NAV2: variants seen among roughly 807,000 people sequenced by gnomAD.
NAV2 encodes helicase, APC down-regulated 1.
A neutral mutation model predicts 223.2 loss-of-function variants in NAV2; 54 were observed. That is an observed-to-expected ratio of 0.24 (90% CI 0.19 to 0.30). The LOEUF (loss-of-function observed/expected upper bound fraction) is 0.30. NAV2 is among the 10% of genes least tolerant of loss of function. The probability of loss-of-function intolerance (pLI) is 1.00; values close to 1 mark genes in which losing one functional copy is unlikely to be tolerated. For synonymous variants in NAV2, 1,279 were observed against 1,239.3 expected, an observed-to-expected ratio of 1.03 and a Z score of -0.67; for missense variants, 2,806 against 3,147.5, an observed-to-expected ratio of 0.89 and a Z score of 2.60.
chr11:20,014,096 C>G (rs1024489045), intron 11 of NAV2, among the ~76,000 whole-genome samples: 1 of 152,200 alleles, frequency 6.6e-6, no homozygotes, highest in Admixed American at 6.5e-5. Flanking sequence ...GAGTCCCCAA[C>G]TGTTGGCTTA....
At chr11:19,447,384 G>C (rs921110826) in intron 1 of NAV2, among the ~76,000 whole-genome samples, 7 of 152,214 alleles carry the variant, frequency 4.6e-5, no homozygotes, top group African/African-American at 1.7e-4. Context: ...TGTGTGGGGT[G>C]AAGGTTCAGA....
At chr11:19,908,729 T>C (rs2043075307) in intron 6 of NAV2, among the ~76,000 whole-genome samples, 1 of 152,194 alleles carries the variant, frequency 6.6e-6, no homozygotes, top group South Asian at 2.1e-4. Context: ...AGTCTGCTGC[T>C]GAAGTCTGTC....
At chr11:19,921,869 A>G (rs752214505) in intron 6 of NAV2, among the ~76,000 whole-genome samples, 2 of 152,248 alleles carry the variant, frequency 1.3e-5, no homozygotes, top group Non-Finnish European at 2.9e-5. Context: ...CACAAAGGGC[A>G]TGCTCTGTAA....
At chr11:19,780,300 G>A (rs1315011139) in intron 1 of NAV2, among the ~76,000 whole-genome samples, 1 of 152,176 alleles carries the variant, frequency 6.6e-6, no homozygotes, top group East Asian at 1.9e-4. Context: ...ACTGGGAGGG[G>A]ATAAGCTTGG....
At chr11:20,074,663 C>A (rs1212980150) in intron 22 of NAV2, among the ~76,000 whole-genome samples, 1 of 151,734 alleles carries the variant, frequency 6.6e-6, no homozygotes, top group African/African-American at 2.4e-5. Context: ...CTTCTTGTTG[C>A]ATTGATCTCT....
chr11:19,578,847 G>C (rs1481603413), intron 1 of NAV2, among the ~76,000 whole-genome samples: 1 of 152,064 alleles, frequency 6.6e-6, no homozygotes, highest in African/African-American at 2.4e-5. Flanking sequence ...TCTGGCTCTC[G>C]ACAGGAAAGG....
chr11:19,671,892 G>T (rs1275656198), intron 1 of NAV2, among the ~76,000 whole-genome samples: 1 of 152,186 alleles, frequency 6.6e-6, no homozygotes, highest in East Asian at 1.9e-4. Flanking sequence ...GCTTAGCACT[G>T]GTCTACATGT....
chr11:19,592,844 A>T (rs980486575), intron 1 of NAV2, among the ~76,000 whole-genome samples: 11 of 152,230 alleles, frequency 7.2e-5, no homozygotes, highest in Admixed American at 3.3e-4. Context: ...AAACATTTTT[A>T]AAAATGTTGA....
intron 6 of NAV2, among the ~76,000 whole-genome samples, chr11:19,905,844 A>G (rs1351807279): frequency 6.6e-6 from 1 of 152,192 alleles, no homozygotes; most frequent in African/African-American, 2.4e-5. Flanking sequence ...TACCTCCCCC[A>G]GAACATCTTC....
chr11:19,750,030 G>A (rs1474974028), intron 1 of NAV2, among the ~76,000 whole-genome samples: 2 of 152,218 alleles, frequency 1.3e-5, no homozygotes, highest in African/African-American at 2.4e-5. Flanking sequence ...GACATTGGAA[G>A]CACAAAGAAT....
chr11:20,110,075 C>T (rs1402218621), intron 36 of NAV2, among the ~76,000 whole-genome samples: 1 of 152,236 alleles, frequency 6.6e-6, no homozygotes, highest in Non-Finnish European at 1.5e-5. Context: ...TCCTTCCCAC[C>T]ATGGGAAAGT....
chr11:20,082,847 C>G (rs1337212821), intron 25 of NAV2, among the ~76,000 whole-genome samples, 160 bp from the exon 26 acceptor site: 1 of 152,168 alleles, frequency 6.6e-6, no homozygotes, highest in Non-Finnish European at 1.5e-5. Context: ...AACTCTTCCT[C>G]CCTTAATGCA....
rs751564747 is a variant in NAV2 at position 19,713,932 on chromosome 11, C to T, written c.237C>T (p.Ser79=). Reference sequence around the variant, plus strand: ...GGGAGGGGCTCCCGCTGCGGAAGAGCGGCTCGGTGGAAAACGGGTTCGATA... The same window carrying T: ...GGGAGGGGCTCCCGCTGCGGAAGAGTGGCTCGGTGGAAAACGGGTTCGATA... ...PAGEGLPLRK[S]GSVENGFDTQ... Residue 79 remains serine, a synonymous_variant, in exon 1 of 38, where the codon AGC becomes AGT. Transcript: ENST00000349880. This position sits in a 1 kb window ranked among gnomAD's most constrained non-coding sequence, Gnocchi z 7.2. 1 of 1,613,378 alleles carries T rather than the reference C, an allele frequency of 6.2e-7. No homozygotes were observed.
At chr11:19,686,810 G>A (rs2049036439) in intron 1 of NAV2, among the ~76,000 whole-genome samples, 1 of 152,188 alleles carries the variant, frequency 6.6e-6, no homozygotes, top group South Asian at 2.1e-4. Flanking sequence ...CTCACATAAA[G>A]TATGGGGGTT....
intron 1 of NAV2, among the ~76,000 whole-genome samples, chr11:19,415,665 C>A (rs1158956821): frequency 6.6e-6 from 1 of 152,166 alleles, no homozygotes; most frequent in East Asian, 1.9e-4. Flanking sequence ...AGGCCAATAT[C>A]CCTGATGAAC....
intron 13 of NAV2, 121 bp downstream of exon 13, chr11:20,044,393 G>A (rs908844577): frequency 9.3e-6 from 8 of 861,422 alleles, no homozygotes; most frequent in African/African-American, 3.4e-5. Flanking sequence ...TGCTAACAAC[G>A]AGCTTCCATA....
chr11:19,977,568 C>T (rs191593213), intron 10 of NAV2, among the ~76,000 whole-genome samples: 19 of 152,274 alleles, frequency 1.2e-4, no homozygotes, highest in African/African-American at 3.9e-4. Flanking sequence ...AAATATGCCA[C>T]GTTTGCCTGA....
At chr11:19,398,360 C>T (rs1393470706) in intron 1 of NAV2, among the ~76,000 whole-genome samples, 6 of 152,138 alleles carry the variant, frequency 3.9e-5, no homozygotes, top group African/African-American at 1.4e-4. Flanking sequence ...CAATCAACCC[C>T]CTTGATCCAA....
intron 19 of NAV2, among the ~76,000 whole-genome samples, chr11:20,059,298 C>T (rs1408134826): frequency 6.6e-6 from 1 of 152,186 alleles, no homozygotes; most frequent in South Asian, 2.1e-4. Flanking sequence ...AGCTGTGTGT[C>T]TGGCCACGTC....
Sources: allele counts gnomAD v4.1 joint callset (sites outside exome capture counted in the v4.1 genomes callset), GRCh38; gene constraint gnomAD v4.1.1; non-coding constraint Gnocchi (gnomAD v3.1); transcripts MANE v1.5; gene names NCBI Gene and HGNC (gene_info 2026-07-23, HGNC 2026-07-21).